VTA1: variants seen among roughly 807,000 people sequenced by gnomAD.
VTA1 encodes the protein vesicle trafficking 1.
Under a neutral mutation model 36.9 loss-of-function variants are expected in VTA1, and 24 were observed. The observed-to-expected ratio is 0.65, with a 90% confidence interval of 0.47 to 0.91. VTA1 has a LOEUF of 0.91. VTA1 is among the 40% of genes least tolerant of loss of function. VTA1 has a pLI of 0.00. For missense variants in VTA1, 393 were observed against 377.2 expected (o/e 1.04, Z -0.35); for synonymous variants, 142 against 130.2 (o/e 1.09, Z -0.62).
At chr6:142,211,756 A>G (rs1300165173) in intron 7 of VTA1, among the ~76,000 whole-genome samples, 1 of 152,094 alleles carries the variant, frequency 6.6e-6, no homozygotes, top group Non-Finnish European at 1.5e-5. Flanking sequence ...AGACTGAGAG[A>G]AAACATTGCA....
chr6:142,208,620 C>T (rs1318056158), intron 7 of VTA1, among the ~76,000 whole-genome samples: 1 of 152,108 alleles, frequency 6.6e-6, no homozygotes, highest in Admixed American at 6.5e-5. Flanking sequence ...ATAAGACTAC[C>T]TGAAGGCATG....
At chr6:142,157,558 C>A (rs973108644) in intron 1 of VTA1, among the ~76,000 whole-genome samples, 24 of 152,084 alleles carry the variant, frequency 1.6e-4, no homozygotes, top group African/African-American at 4.1e-4. Flanking sequence ...TTAGAAAAAA[C>A]CGTAAAGTTG....
chr6:142,173,706 A>C (rs1396177997), intron 4 of VTA1, among the ~76,000 whole-genome samples: 1 of 152,206 alleles, frequency 6.6e-6, no homozygotes, highest in Admixed American at 6.5e-5. Context: ...GGAATATGTA[A>C]CACTTCCACA....
chr6:142,154,352 A>G (rs1220616034), intron 1 of VTA1, among the ~76,000 whole-genome samples: 1 of 152,110 alleles, frequency 6.6e-6, no homozygotes, highest in Non-Finnish European at 1.5e-5. Flanking sequence ...CCCTATGTGT[A>G]TACTACAGTG....
chr6:142,203,818 C>CTATCCTCCAACATCA (rs1472501325), intron 6 of VTA1, among the ~76,000 whole-genome samples, 167 bp from the exon 7 acceptor site: 2 of 152,134 alleles, frequency 1.3e-5, no homozygotes, highest in African/African-American at 4.8e-5. Flanking sequence ...CATATGTAAA[C>CTATCCTCCAACATCA]ACTTGATATC....
rs935269974 is a variant in VTA1 at position 142,224,177 on chromosome 6, C to T, written c.*5534C>T. The stretch of plus-strand genomic sequence containing the variant: ...AGAGGAAGAGCCACCGGAGCTGGCT[C>T]ATTCTGCACGTGTACAGAGAAGAGG... On this transcript the variant is annotated 3_prime_UTR_variant, in exon 8 of 8. Transcript: ENST00000367630. 6.6e-6 allele frequency: 1 copy of T among 152,256 alleles called. No individual in the cohort carries two copies. The highest frequency in any genetic ancestry group is 1.5e-5 in the Non-Finnish European group (1 of 68,070). The allele number at this position is 152,256 out of a possible 1,614,324, so 9.4% of individuals were successfully genotyped here. A position where few individuals can be genotyped will look rare whatever the true frequency, so the allele number is the denominator to read the frequency against.
intron 4 of VTA1, among the ~76,000 whole-genome samples, chr6:142,180,722 T>C (rs1243694814): frequency 6.6e-6 from 1 of 152,142 alleles, no homozygotes; most frequent in African/African-American, 2.4e-5. Flanking sequence ...TGCATCCTAA[T>C]AAGATGATCT....
chr6:142,210,909 A>G (rs920135726), intron 7 of VTA1, among the ~76,000 whole-genome samples: 1 of 152,240 alleles, frequency 6.6e-6, no homozygotes, highest in African/African-American at 2.4e-5. Flanking sequence ...AAAAAATGGA[A>G]TCAACCTAAA....
intron 7 of VTA1, among the ~76,000 whole-genome samples, chr6:142,218,278 T>A (rs751587275): frequency 6.6e-6 from 1 of 152,206 alleles, no homozygotes; most frequent in Non-Finnish European, 1.5e-5. Flanking sequence ...TTAATTCATC[T>A]AAGTTATTAT....
At chr6:142,154,552 T>C (rs563935813) in intron 1 of VTA1, among the ~76,000 whole-genome samples, 3 of 152,260 alleles carry the variant, frequency 2.0e-5, no homozygotes, top group Non-Finnish European at 4.4e-5. Context: ...CAAACTGTTT[T>C]GCAGAGCATC....
At chr6:142,195,524 A>G (rs1775527246) in intron 5 of VTA1, among the ~76,000 whole-genome samples, 1 of 147,784 alleles carries the variant, frequency 6.8e-6, no homozygotes, top group South Asian at 2.1e-4. Flanking sequence ...ACAAGTACTT[A>G]GTACAGTTTT....
chr6:142,150,865 T>G (rs1446158576), intron 1 of VTA1, among the ~76,000 whole-genome samples: 1 of 150,104 alleles, frequency 6.7e-6, no homozygotes. Flanking sequence ...TAAGCTGAGA[T>G]CGTGCCATTG....
chr6:142,220,426 G>A lies in VTA1; in HGVS notation c.*1783G>A, dbSNP rs768520574. 33 of 152,100 alleles carry A rather than the reference G, an allele frequency of 2.2e-4. 1 individual carries two copies. Among genetic ancestry groups the A allele is most frequent in the Admixed American group, 1.5e-3 (23 of 15,274 alleles). The allele number at this position is 152,100 out of a possible 1,614,324, so 9.4% of individuals were successfully genotyped here. ...GGGAAGGAGACAATATAGAAACTAC[G>A]GAGTCCGCTGGTAGTGGGCTGCATG... On this transcript the variant is annotated 3_prime_UTR_variant, in exon 8 of 8. Transcript: ENST00000367630.
At chr6:142,170,528 TAATG>T (rs1775009261) in intron 4 of VTA1, 107 bp downstream of exon 4, 3 of 711,574 alleles carry the variant, frequency 4.2e-6, no homozygotes, top group South Asian at 7.2e-5. Flanking sequence ...TGTCAGAAAT[TAATG>T]CAAGCAAAAA....
intron 4 of VTA1, among the ~76,000 whole-genome samples, chr6:142,186,713 G>C (rs1413905322): frequency 6.6e-6 from 1 of 152,144 alleles, no homozygotes; most frequent in Non-Finnish European, 1.5e-5. Flanking sequence ...TCCAAGTGGT[G>C]ATGTCACATA....
intron 1 of VTA1, among the ~76,000 whole-genome samples, chr6:142,160,476 A>G (rs984287370): frequency 4.6e-5 from 7 of 152,104 alleles, no homozygotes; most frequent in Non-Finnish European, 7.4e-5. Flanking sequence ...TTTTTCCTGC[A>G]TAGCTCCCTT....
chr6:142,185,028 T>G (rs1189017958), intron 4 of VTA1, among the ~76,000 whole-genome samples: 2 of 152,160 alleles, frequency 1.3e-5, no homozygotes, highest in Non-Finnish European at 2.9e-5. Context: ...TTTCCTTATT[T>G]CTATCTTTGC....
intron 1 of VTA1, among the ~76,000 whole-genome samples, chr6:142,164,015 C>T (rs1774863438): frequency 6.6e-6 from 1 of 152,046 alleles, no homozygotes; most frequent in African/African-American, 2.4e-5. Context: ...TCATATGGGA[C>T]TCAAAGGCCT....
At position 142,223,154 on chromosome 6, in the gene VTA1, C is replaced by T. The variant is rs2114697496; in HGVS notation, c.*4511C>T. On this transcript the variant is annotated 3_prime_UTR_variant, in exon 8 of 8. Transcript: ENST00000367630. ...TTTTCTATTATCTGGGCCATATGTTCCAATTGACAGTGCTAGGCAGTGAAC... is the reference window on the plus strand; with the variant it reads ...TTTTCTATTATCTGGGCCATATGTTTCAATTGACAGTGCTAGGCAGTGAAC... 6.6e-6 allele frequency: 1 copy of T among 152,286 alleles called. No homozygotes were observed. The highest frequency in any genetic ancestry group is 1.5e-5 in the Non-Finnish European group (1 of 68,030). 9.4% of individuals were successfully genotyped at this position (152,286 alleles called of 1,614,324 possible).
Sources: allele counts gnomAD v4.1 joint callset (sites outside exome capture counted in the v4.1 genomes callset), GRCh38; gene constraint gnomAD v4.1.1; transcripts MANE v1.5; gene names NCBI Gene and HGNC (gene_info 2026-07-23, HGNC 2026-07-21).